The following GABRR2 variants were observed in gnomAD, a reference collection of about 807,000 sequenced individuals.
The protein encoded by GABRR2 is gamma-aminobutyric acid receptor subunit rho-2.
A neutral mutation model predicts 47.0 loss-of-function variants in GABRR2; 36 were observed. The observed-to-expected ratio is 0.77, with a 90% CI of 0.59 to 1.01. GABRR2 has a LOEUF of 1.01. GABRR2 is among the 50% of genes least tolerant of loss of function. The pLI is 0.00. For synonymous variants in GABRR2, 204 were observed against 227.5 expected (o/e 0.90, Z 0.93); for missense variants, 587 against 594.6 (o/e 0.99, Z 0.13).
intron 1 of GABRR2, among the ~76,000 whole-genome samples, chr6:89,312,597 T>C (rs1005649448): frequency 6.6e-6 from 1 of 152,256 alleles, no homozygotes; most frequent in Admixed American, 6.5e-5. Flanking sequence ...ACTCTAAGAC[T>C]GTAATCAGAA....
intron 2 of GABRR2, among the ~76,000 whole-genome samples, chr6:89,276,912 G>A (rs988472253): frequency 6.6e-6 from 1 of 151,938 alleles, no homozygotes; most frequent in African/African-American, 2.4e-5. Flanking sequence ...CATAGAAATA[G>A]GTCTATGAAA....
At chr6:89,284,084 A>T (rs886925632) in intron 2 of GABRR2, among the ~76,000 whole-genome samples, 2 of 152,138 alleles carry the variant, frequency 1.3e-5, no homozygotes, top group Non-Finnish European at 2.9e-5. Flanking sequence ...CACATGCTGT[A>T]TGATTTCATT....
At chr6:89,274,930 G>T (rs1221080162) in intron 2 of GABRR2, among the ~76,000 whole-genome samples, 3 of 152,046 alleles carry the variant, frequency 2.0e-5, no homozygotes, top group African/African-American at 7.2e-5. Context: ...TTCTCTTTGG[G>T]ATTTCTCTTC....
chr6:89,279,518 A>G (rs148046690), intron 2 of GABRR2, among the ~76,000 whole-genome samples: 67 of 151,604 alleles, frequency 4.4e-4, no homozygotes, highest in African/African-American at 1.6e-3. Context: ...TTTTTGGTTT[A>G]TTTTTAGAGA....
intron 8 of GABRR2, among the ~76,000 whole-genome samples, chr6:89,261,887 A>G (rs930484170): frequency 1.3e-5 from 2 of 152,082 alleles, no homozygotes; most frequent in African/African-American, 4.8e-5. Flanking sequence ...AAAAATATAA[A>G]AACTAGCTGG....
chr6:89,305,864 G>C (rs1767549652), intron 1 of GABRR2, among the ~76,000 whole-genome samples: 2 of 152,008 alleles, frequency 1.3e-5, no homozygotes, highest in African/African-American at 2.4e-5. Flanking sequence ...CTTCGTACCT[G>C]GGTGTCAAAA....
At chr6:89,314,663 T>A (rs1001960435) in intron 1 of GABRR2, among the ~76,000 whole-genome samples, 9 of 152,226 alleles carry the variant, frequency 5.9e-5, no homozygotes, top group Non-Finnish European at 1.0e-4. Context: ...TAGGTTCCTA[T>A]ATACAGTTCT....
intron 6 of GABRR2, among the ~76,000 whole-genome samples, chr6:89,266,339 G>A (rs1262905546): frequency 6.6e-6 from 1 of 152,236 alleles, no homozygotes; most frequent in Non-Finnish European, 1.5e-5. Flanking sequence ...TATTTCTTGA[G>A]TGACTTGCTG....
In GABRR2 at chr6:89,257,580, G is replaced by T. The variant is rs111836357; in HGVS notation, c.*90C>A. 16 of 1,032,316 alleles carry T rather than the reference G, an allele frequency of 1.5e-5. No homozygotes were observed. In the African/African-American group the frequency reaches 1.8e-4, roughly 11 times the overall value. The allele number at this position is 1,032,316 out of a possible 1,614,324, so 63.9% of individuals were successfully genotyped here. A position where few individuals can be genotyped will look rare whatever the true frequency, so the allele number is the denominator to read the frequency against. ...TCCAGTAGCTGCTGCATTGTTTGGT[G>T]AGGGGCGTGTGGTCAACAAGTCCGT... On this transcript the variant is annotated 3_prime_UTR_variant, in exon 9 of 9. Coordinates refer to ENST00000402938, the MANE Select transcript of GABRR2 (RefSeq NM_002043.5).
chr6:89,299,158 C>A (rs1172979235), intron 2 of GABRR2, among the ~76,000 whole-genome samples: 2 of 152,212 alleles, frequency 1.3e-5, no homozygotes, highest in Admixed American at 6.5e-5. Context: ...TGCCTCCCCT[C>A]CCTGACCCCA....
rs182116604 is a variant in GABRR2 at position 89,288,349 on chromosome 6, C to T, written c.220+11410G>A. 3.2e-4 allele frequency among the ~76,000 whole-genome samples: 48 copies of T among 152,126 alleles called. No homozygotes were observed. In the East Asian group the frequency reaches 8.3e-3, roughly 26 times the overall value. On this transcript the variant is annotated intron_variant, in intron 2 of 8. Coordinates refer to ENST00000402938, the MANE Select transcript of GABRR2 (RefSeq NM_002043.5). Reference sequence around the variant, plus strand: ...GTGGAAAAGGAGGAAAGGAGGAAACCAGTGAGAGAGAGCAAGGGGGATGAT... The same window carrying T: ...GTGGAAAAGGAGGAAAGGAGGAAACTAGTGAGAGAGAGCAAGGGGGATGAT...
At chr6:89,290,067 CCCA>C (rs1206467077) in intron 2 of GABRR2, among the ~76,000 whole-genome samples, 1 of 152,202 alleles carries the variant, frequency 6.6e-6, no homozygotes, top group African/African-American at 2.4e-5. Context: ...CGCTCCATGA[CCCA>C]AACACCTCCC....
intron 2 of GABRR2, among the ~76,000 whole-genome samples, chr6:89,296,251 T>G (rs1774551561): frequency 1.3e-5 from 2 of 152,214 alleles, no homozygotes; most frequent in African/African-American, 4.8e-5. Context: ...AGGGTTCAGG[T>G]TATAAAGATC....
At chr6:89,260,632 C>T (rs1328893257) in intron 8 of GABRR2, among the ~76,000 whole-genome samples, 1 of 152,194 alleles carries the variant, frequency 6.6e-6, no homozygotes, top group African/African-American at 2.4e-5. Flanking sequence ...GTGGAAATCA[C>T]ACTTCAGTGA....
chr6:89,277,964 C>T (rs1265545959), intron 2 of GABRR2, among the ~76,000 whole-genome samples: 1 of 152,080 alleles, frequency 6.6e-6, no homozygotes, highest in East Asian at 1.9e-4. Context: ...AGGGACTCTA[C>T]TTCGAGAAAT....
Position 89,269,065 on chromosome 6 carries a change from G to A in GABRR2, c.458C>T (p.Thr153Ile), listed in dbSNP as rs1773980450. 1 of 1,613,950 alleles carries A rather than the reference G, an allele frequency of 6.2e-7. No homozygotes were observed. The highest frequency in any genetic ancestry group is 8.5e-7 in the Non-Finnish European group (1 of 1,179,906). ...GAACACCCTCAGCATGATGTTGTCAGTGGTGGTGTCATGAGTGAACGATCT... is the reference window on the plus strand; with the variant it reads ...GAACACCCTCAGCATGATGTTGTCAATGGTGGTGTCATGAGTGAACGATCT... ...SKRSFTHDTT[T>I]DNIMLRVFPD... Residue 153 changes from threonine to isoleucine, a missense_variant, in exon 4 of 9, where the codon ACT (threonine) becomes ATT (isoleucine). Coordinates refer to ENST00000402938, the MANE Select transcript of GABRR2 (RefSeq NM_002043.5).
intron 1 of GABRR2, chr6:89,301,756 C>T (rs1254513949): frequency 1.4e-5 from 10 of 696,286 alleles, no homozygotes; most frequent in Middle Eastern, 2.5e-4. Context: ...CCTGCCCGTC[C>T]GCAGCCGCCT....
At chr6:89,311,455 T>C (rs1039924351) in intron 1 of GABRR2, among the ~76,000 whole-genome samples, 4 of 152,150 alleles carry the variant, frequency 2.6e-5, no homozygotes, top group Admixed American at 2.6e-4. Flanking sequence ...GTATGAGCCA[T>C]ATGCTCTCCA....
Position 89,279,672 on chromosome 6 carries a change from C to T in GABRR2, c.221-7950G>A, listed in dbSNP as rs555632456. Among the ~76,000 whole-genome samples, 27 of 99,930 alleles carry T rather than the reference C, an allele frequency of 2.7e-4. No homozygotes were observed. The South Asian group carries it at 0.01, about 38-fold the overall frequency. 65.6% of individuals were successfully genotyped at this position (99,930 alleles called of 152,430 possible). On this transcript the variant is annotated intron_variant, in intron 2 of 8. Coordinates refer to ENST00000402938, the MANE Select transcript of GABRR2 (RefSeq NM_002043.5). ...CAGGTGTGAGCCACTATGCCAGCTA[C>T]AAAAAAAGTTAAAAAAAAAAAAAAC...
Sources: allele counts gnomAD v4.1 joint callset (sites outside exome capture counted in the v4.1 genomes callset), GRCh38; gene constraint gnomAD v4.1.1; transcripts MANE v1.5; gene names NCBI Gene and HGNC (gene_info 2026-07-23, HGNC 2026-07-21).